Variants in RAB37 observed in about 807,000 individuals in gnomAD.
The protein encoded by RAB37 is ras-related protein Rab-37.
RAB37 carries 29 observed loss-of-function variants against 33.1 expected under a neutral mutation model. The ratio of observed to expected loss-of-function variants is 0.88; its 90% CI spans 0.65 to 1.20. The LOEUF (loss-of-function observed/expected upper bound fraction) is 1.20, where lower values mean the gene tolerates loss of function less well. Among genes scored for constraint, RAB37 ranks in the 50% most tolerant of loss-of-function variants. RAB37 has a pLI of 0.00. For synonymous variants in RAB37, 128 were observed against 119.5 expected (o/e 1.07, Z -0.47); for missense variants, 299 against 301.1 (o/e 0.99, Z 0.05).
chr17:74,673,862 T>C (rs1008457387), intron 1 of RAB37, among the ~76,000 whole-genome samples: 1 of 152,192 alleles, frequency 6.6e-6, no homozygotes, highest in Non-Finnish European at 1.5e-5. Context: ...GTTTTCCTTC[T>C]TATATAGTGC....
intron 1 of RAB37, among the ~76,000 whole-genome samples, chr17:74,684,373 G>C (rs1271239052): frequency 6.6e-6 from 1 of 151,408 alleles, no homozygotes; most frequent in Non-Finnish European, 1.5e-5. Context: ...GATTATAGGC[G>C]TGAGCCACCA....
At position 74,730,664 on chromosome 17, in the gene RAB37, G is replaced by A. The variant is rs532255887; in HGVS notation, c.183+1298G>A. Among the ~76,000 whole-genome samples the A allele has an allele frequency of 4.1e-4, 63 of 152,216 alleles. No homozygotes were observed. Among genetic ancestry groups the A allele is most frequent in the African/African-American group, 1.3e-3 (54 of 41,558 alleles). On this transcript the variant is annotated intron_variant, in intron 2 of 7. Coordinates refer to the RAB37 transcript ENST00000340415. The surrounding 1 kb of genome is among the most constrained non-coding windows in gnomAD (Gnocchi z 4.4). ...AAACCAGGATGACCTGGTGCCAGGC[G>A]TCACCCACCCCAGCCCAGGCCCAGT...
At chr17:74,678,834 G>A (rs1231926102) in intron 1 of RAB37, among the ~76,000 whole-genome samples, 2 of 152,160 alleles carry the variant, frequency 1.3e-5, no homozygotes, top group East Asian at 3.9e-4. Flanking sequence ...AAGCAGGCTG[G>A]GTGCAGTGGC....
chr17:74,693,904 G>T (rs1239019148), intron 1 of RAB37, among the ~76,000 whole-genome samples: 2 of 152,000 alleles, frequency 1.3e-5, no homozygotes, highest in Non-Finnish European at 2.9e-5. Context: ...ACTCCAGCCT[G>T]GGGAACAGAG....
At position 74,744,916 on chromosome 17, in the gene RAB37, A is replaced by T; in HGVS notation, c.476A>T (p.Glu159Val). Residue 159 changes from glutamate (E) to valine (V), a missense_variant, in exon 7 of 9, where the codon GAG becomes GTG. Glu to Val is a moderately radical substitution (Grantham distance 121). Coordinates refer to ENST00000392613, the MANE Select transcript of RAB37 (RefSeq NM_001006638.3). The surrounding 1 kb of genome is among the most constrained non-coding windows in gnomAD (Gnocchi z 4.2). ...SERVIRSEDG[E>V]TLAREYGVPF... Reference sequence around the variant, plus strand: ...AGAGTGATCCGTTCCGAAGACGGAGAGACCTTGGCCAGGGTAAGTGATTGT... The same window carrying T: ...AGAGTGATCCGTTCCGAAGACGGAGTGACCTTGGCCAGGGTAAGTGATTGT... 2 of 1,614,286 alleles carry T rather than the reference A, an allele frequency of 1.2e-6. No individual in the cohort carries two copies. The highest frequency in any genetic ancestry group is 3.3e-4 in the Middle Eastern group (2 of 6,062).
intron 1 of RAB37, chr17:74,704,384 T>A (rs909864495): frequency 1.1e-6 from 1 of 911,880 alleles, no homozygotes; most frequent in Non-Finnish European, 1.7e-6. Context: ...AAGTGATAGA[T>A]CACTCAGTGA....
chr17:74,683,986 G>A (rs1393039764), intron 1 of RAB37, among the ~76,000 whole-genome samples: 2 of 152,238 alleles, frequency 1.3e-5, no homozygotes, highest in Non-Finnish European at 2.9e-5. Flanking sequence ...GACAGAGGCA[G>A]GGGAAGAAGT....
chr17:74,696,298 A>G (rs2032470842), intron 1 of RAB37: 24 of 1,458,746 alleles, frequency 1.6e-5, no homozygotes, highest in Admixed American at 2.3e-5. Flanking sequence ...GAAGAGAAAT[A>G]TGGAAGAAAA....
intron 1 of RAB37, among the ~76,000 whole-genome samples, chr17:74,721,300 C>A (rs1030504827): frequency 5.9e-5 from 9 of 152,162 alleles, no homozygotes; most frequent in African/African-American, 2.2e-4. Flanking sequence ...TACAGATCTT[C>A]CTCATCCTTT....
Position 74,696,144 on chromosome 17 carries a change from G to A in RAB37, c.72+24486G>A, listed in dbSNP as rs374390013. ...CTTCTGAGAGATGGAAAATGAGGAAGGGGAAAGAAGCTGCCTGGTCTCTCT... is the reference window on the plus strand; with the variant it reads ...CTTCTGAGAGATGGAAAATGAGGAAAGGGAAAGAAGCTGCCTGGTCTCTCT... On this transcript the variant is annotated intron_variant, in intron 1 of 7. Transcript: ENST00000340415. 4 of 1,572,426 alleles carry A rather than the reference G, an allele frequency of 2.5e-6. No homozygotes were observed. In the African/African-American group the frequency reaches 5.5e-5, roughly 22 times the overall value.
At chr17:74,675,157 T>C (rs2031798391) in intron 1 of RAB37, among the ~76,000 whole-genome samples, 1 of 151,972 alleles carries the variant, frequency 6.6e-6, no homozygotes, top group Admixed American at 6.6e-5. Context: ...TCAATAAAAG[T>C]GGTTGTATTG....
chr17:74,702,930 A>T (rs1417242322), intron 1 of RAB37: 1 of 926,620 alleles, frequency 1.1e-6, no homozygotes. Context: ...ACCAAGGAGC[A>T]TGCAGGTCCC....
rs766017145 is a variant in RAB37 at position 74,742,294 on chromosome 17, A to C, written c.245A>C (p.Gln82Pro). The C allele has an allele frequency of 6.2e-7, 1 of 1,612,282 alleles. No individual in the cohort carries two copies. Among genetic ancestry groups the C allele is most frequent in the South Asian group, 1.1e-5 (1 of 90,834 alleles). ...GTGGATGGCGTGAGAGTGAAGCTGC[A>C]GGTGAGACCAGAGGCTGGAGTTGGG... ...VTVDGVRVKL[Q>P]IWDTAGQERF... The change falls in exon 3 of 9, where the codon CAG (glutamine) becomes CCG (proline). Residue 82 changes from glutamine to proline, a missense_variant and splice_region_variant. Transcript: ENST00000392613. This position sits in a 1 kb window ranked among gnomAD's most constrained non-coding sequence, Gnocchi z 4.0.
At chr17:74,711,143 G>A (rs975116020) in intron 1 of RAB37, among the ~76,000 whole-genome samples, 2 of 152,188 alleles carry the variant, frequency 1.3e-5, no homozygotes, top group Non-Finnish European at 2.9e-5. Context: ...GAGGGAAACA[G>A]GGTAAGCACA....
chr17:74,742,972 C>T lies in RAB37; in HGVS notation c.247-157C>T, dbSNP rs2034657760. Among the ~76,000 whole-genome samples the T allele has an allele frequency of 6.6e-6, 1 of 152,134 alleles. No homozygotes were observed. The highest frequency in any genetic ancestry group is 1.5e-5 in the Non-Finnish European group (1 of 68,030). ...TTGAGAAATCAGTAACTGCTACTGT[C>T]CAGGTCATTGGATGCTCAGGGGCTC... On this transcript the variant is annotated intron_variant, in intron 3 of 8. Transcript: ENST00000392613. This position sits in a 1 kb window ranked among gnomAD's most constrained non-coding sequence, Gnocchi z 4.0.
chr17:74,713,085 TC>T, intron 1 of RAB37: 1 of 527,018 alleles, frequency 1.9e-6, no homozygotes, highest in Admixed American at 3.2e-5. Context: ...GGCGGGCGGA[TC>T]ACGAGATCAG....
rs2034373084 is a variant in RAB37 at position 74,730,660 on chromosome 17, A to G, written c.183+1294A>G. ...AAGCAAACCAGGATGACCTGGTGCC[A>G]GGCGTCACCCACCCCAGCCCAGGCC... On this transcript the variant is annotated intron_variant, in intron 2 of 7. Transcript: ENST00000340415. The surrounding 1 kb of genome is among the most constrained non-coding windows in gnomAD (Gnocchi z 4.4). 6.6e-6 allele frequency among the ~76,000 whole-genome samples: 1 copy of G among 152,118 alleles called. No individual in the cohort carries two copies.
chr17:74,704,591 G>A lies in RAB37; in HGVS notation c.73-24665G>A, dbSNP rs376560534. 3.2e-5 allele frequency: 51 copies of A among 1,614,126 alleles called. No homozygotes were observed. The highest frequency in any genetic ancestry group is 3.0e-4 in the Admixed American group (18 of 60,006). Reference sequence around the variant, plus strand: ...GAGATCCTCCATGGTCACAGTGAACGTGCGGTTTTTCTGATTGTCCTTGAT... The same window carrying A: ...GAGATCCTCCATGGTCACAGTGAACATGCGGTTTTTCTGATTGTCCTTGAT... On this transcript the variant is annotated intron_variant, in intron 1 of 7. Transcript: ENST00000340415.
intron 1 of RAB37, among the ~76,000 whole-genome samples, chr17:74,678,795 T>C (rs2031894548): frequency 6.6e-6 from 1 of 152,118 alleles, no homozygotes; most frequent in Non-Finnish European, 1.5e-5. Context: ...TGTCTCCCCT[T>C]AGCTTTTGTT....
Sources: allele counts gnomAD v4.1 joint callset (sites outside exome capture counted in the v4.1 genomes callset), GRCh38; gene constraint gnomAD v4.1.1; non-coding constraint Gnocchi (gnomAD v3.1); transcripts MANE v1.5; gene names NCBI Gene and HGNC (gene_info 2026-07-23, HGNC 2026-07-21).